The following NAXD variants were observed in gnomAD, a reference collection of about 807,000 sequenced individuals.
NAXD encodes the protein NAD(P)HX dehydratase.
NAXD carries 22 observed loss-of-function variants against 35.8 expected under a neutral mutation model. The observed-to-expected ratio is 0.62, with a 90% CI of 0.44 to 0.88. NAXD has a LOEUF of 0.88. Ranked by LOEUF, NAXD falls within the 40% of genes least tolerant of loss-of-function variation. The pLI, the probability that NAXD is intolerant of heterozygous loss-of-function variation, is 0.00. For missense variants in NAXD, 428 were observed against 437.7 expected (o/e 0.98, Z 0.20); for synonymous variants, 189 against 177.6 (o/e 1.06, Z -0.51).
At chr13:110,626,276 A>C (rs972270765) in intron 4 of NAXD, among the ~76,000 whole-genome samples, 1 of 151,730 alleles carries the variant, frequency 6.6e-6, no homozygotes, top group African/African-American at 2.4e-5. Flanking sequence ...GTATGTTTGG[A>C]AAGTTTGGGG....
chr13:110,626,637 G>A (rs1886494737), intron 4 of NAXD, among the ~76,000 whole-genome samples: 1 of 152,128 alleles, frequency 6.6e-6, no homozygotes, highest in African/African-American at 2.4e-5. Flanking sequence ...GGGCCTCCAG[G>A]AGTCAGTGAA....
In NAXD at chr13:110,638,536, C is replaced by T; in HGVS notation, c.*8C>T. ...AAGCTCTTTGAAACCTGAGCCCGCG[C>T]AGACCAGAAGTAAACAGGCACCTTG... On this transcript the variant is annotated 3_prime_UTR_variant, in exon 10 of 10. Transcript: ENST00000680254. The surrounding 1 kb of genome is among the most constrained non-coding windows in gnomAD (Gnocchi z 5.4). 1 of 1,611,474 alleles carries T rather than the reference C, an allele frequency of 6.2e-7. No individual in the cohort carries two copies. Among genetic ancestry groups the T allele is most frequent in the Non-Finnish European group, 8.5e-7 (1 of 1,178,976 alleles).
chr13:110,639,786 G>A lies in NAXD; in HGVS notation c.*1258G>A, dbSNP rs893822865. The A allele has an allele frequency of 2.0e-5, 3 of 152,130 alleles. No homozygotes were observed. Among genetic ancestry groups the A allele is most frequent in the Non-Finnish European group, 4.4e-5 (3 of 68,004 alleles). 9.4% of individuals were successfully genotyped at this position (152,130 alleles called of 1,614,324 possible). On this transcript the variant is annotated 3_prime_UTR_variant, in exon 10 of 10. Coordinates refer to ENST00000680254, the MANE Select transcript of NAXD (RefSeq NM_001242882.2). ...CTCTTGAGTGATACCCTGTGATGCAGACATGCCCCAGATGGATTCTACTTT... is the reference window on the plus strand; with the variant it reads ...CTCTTGAGTGATACCCTGTGATGCAAACATGCCCCAGATGGATTCTACTTT...
chr13:110,635,611 G>T, intron 8 of NAXD, 23 bp downstream of exon 8: 1 of 1,612,280 alleles, frequency 6.2e-7, no homozygotes, highest in Non-Finnish European at 8.5e-7. Context: ...TGCCCTCTGT[G>T]CATGGGCCAG....
chr13:110,634,927 A>G, intron 7 of NAXD, 151 bp downstream of exon 7: 1 of 664,094 alleles, frequency 1.5e-6, no homozygotes, highest in South Asian at 1.7e-5. Context: ...GCGTCTTCCC[A>G]TTAATGCGCT....
chr13:110,627,886 G>C (rs1462869799), intron 5 of NAXD, among the ~76,000 whole-genome samples: 1 of 152,100 alleles, frequency 6.6e-6, no homozygotes, highest in Admixed American at 6.5e-5. Flanking sequence ...TATCTCCCAG[G>C]CCACCCCCTT....
At chr13:110,637,415 C>G (rs1451822276) in intron 9 of NAXD, among the ~76,000 whole-genome samples, 166 bp downstream of exon 9, 1 of 152,156 alleles carries the variant, frequency 6.6e-6, no homozygotes, top group Non-Finnish European at 1.5e-5. Flanking sequence ...AAGCTTCCAC[C>G]CCACACTTGG....
rs117630476 is a variant in NAXD at position 110,620,157 on chromosome 13, G to C, written c.47-2059G>C. On this transcript the variant is annotated intron_variant, in intron 1 of 9. Coordinates refer to ENST00000680254, the MANE Select transcript of NAXD (RefSeq NM_001242882.2). Reference sequence around the variant, plus strand: ...TTAAAACCATAATTTAGCCCTCCTGGAGGGATTTCAAGGATGGGTGCATTG... The same window carrying C: ...TTAAAACCATAATTTAGCCCTCCTGCAGGGATTTCAAGGATGGGTGCATTG... Among the ~76,000 whole-genome samples, 452 of 152,168 alleles carry C rather than the reference G, an allele frequency of 3.0e-3. 5 individuals are homozygous for C. The highest frequency in any genetic ancestry group is 0.014 in the Admixed American group (218 of 15,274).
At position 110,638,531 on chromosome 13, in the gene NAXD, C is replaced by A. The variant is rs945878305; in HGVS notation, c.*3C>A. The A allele has an allele frequency of 1.2e-6, 2 of 1,611,614 alleles. No individual in the cohort carries two copies. On this transcript the variant is annotated 3_prime_UTR_variant, in exon 10 of 10. Coordinates refer to ENST00000680254, the MANE Select transcript of NAXD (RefSeq NM_001242882.2). The surrounding 1 kb of genome is among the most constrained non-coding windows in gnomAD (Gnocchi z 5.4). Reference sequence around the variant, plus strand: ...TCAGCAAGCTCTTTGAAACCTGAGCCCGCGCAGACCAGAAGTAAACAGGCA... The same window carrying A: ...TCAGCAAGCTCTTTGAAACCTGAGCACGCGCAGACCAGAAGTAAACAGGCA...
At position 110,615,625 on chromosome 13, in the gene NAXD, G is replaced by T; in HGVS notation, c.24G>T (p.Gly8=). The change falls in exon 1 of 10, where the codon GGG becomes GGT. Residue 8 remains glycine (G), a synonymous_variant. Transcript: ENST00000680254. ...CGATGGCCCTGGGTCCTCGCTGTGG[G>T]GCAATCCGGGCTTGCAGACGAGGTA... is the stretch of plus-strand genomic sequence containing the variant. MALGPRC[G]AIRACRRVLE... 6.8e-7 allele frequency: 1 copy of T among 1,479,018 alleles called. No individual in the cohort carries two copies. Among genetic ancestry groups the T allele is most frequent in the East Asian group, 2.9e-5 (1 of 33,998 alleles). The allele number at this position is 1,479,018 out of a possible 1,614,324, so 91.6% of individuals were successfully genotyped here. A position where few individuals can be genotyped will look rare whatever the true frequency, so the allele number is the denominator to read the frequency against.
At chr13:110,632,746 C>T (rs1180093790) in intron 5 of NAXD, among the ~76,000 whole-genome samples, 1 of 150,020 alleles carries the variant, frequency 6.7e-6, no homozygotes, top group Non-Finnish European at 1.5e-5. Context: ...ATTTACAATC[C>T]CTGACCTAGA....
At chr13:110,618,391 C>T (rs79323382) in intron 1 of NAXD, among the ~76,000 whole-genome samples, 4,687 of 152,198 alleles carry the variant, frequency 0.031, 201 homozygotes, top group South Asian at 0.093. Flanking sequence ...AGGCGACTCC[C>T]GCTGGTGGGT....
chr13:110,620,861 T>C (rs1452771931), intron 1 of NAXD, among the ~76,000 whole-genome samples: 1 of 152,236 alleles, frequency 6.6e-6, no homozygotes, highest in East Asian at 1.9e-4. Flanking sequence ...ATTGAGTGCC[T>C]TGTTTGAAAA....
chr13:110,628,122 C>T lies in NAXD; in HGVS notation c.441+575C>T, dbSNP rs185714226. Among the ~76,000 whole-genome samples the T allele has an allele frequency of 3.9e-4, 60 of 152,334 alleles. No individual in the cohort carries two copies. The highest frequency in any genetic ancestry group is 1.4e-3 in the African/African-American group (57 of 41,568). ...GAAAGTTATTCTGATCACTTTGTGC[C>T]TGCTGTAAATAAATACCACCTGGGA... On this transcript the variant is annotated intron_variant, in intron 5 of 9. Transcript: ENST00000680254. This position sits in a 1 kb window ranked among gnomAD's most constrained non-coding sequence, Gnocchi z 4.1.
chr13:110,619,839 C>G (rs1206658908), intron 1 of NAXD, among the ~76,000 whole-genome samples: 3 of 152,138 alleles, frequency 2.0e-5, no homozygotes, highest in African/African-American at 7.2e-5. Context: ...CGCTGTGTCA[C>G]CCAGGCTGGA....
chr13:110,622,223 A>G lies in NAXD; in HGVS notation c.54A>G (p.Glu18=). 6.2e-7 allele frequency: 1 copy of G among 1,612,106 alleles called. No individual in the cohort carries two copies. The highest frequency in any genetic ancestry group is 1.1e-5 in the South Asian group (1 of 90,872). The part of the protein sequence containing the change: ...GAIRACRRVL[E]RAFSLRKAHS... Reference sequence around the variant, plus strand: ...ATTTTTCTTGTCTTTCAGTTTTAGAAAGAGCGTTTTCGCTACGTAAAGCAC... The same window carrying G: ...ATTTTTCTTGTCTTTCAGTTTTAGAGAGAGCGTTTTCGCTACGTAAAGCAC... The change falls in exon 2 of 10, where the codon GAA becomes GAG. Residue 18 remains glutamate, a synonymous_variant. Coordinates refer to ENST00000680254, the MANE Select transcript of NAXD (RefSeq NM_001242882.2).
At chr13:110,634,117 T>G (rs1886828138) in intron 5 of NAXD, among the ~76,000 whole-genome samples, 1 of 152,240 alleles carries the variant, frequency 6.6e-6, no homozygotes, top group Admixed American at 6.5e-5. Context: ...TGCTTCTCTA[T>G]TTTATTCATT....
chr13:110,627,728 G>A (rs12184786), intron 5 of NAXD, among the ~76,000 whole-genome samples, 181 bp downstream of exon 5: 1 of 152,250 alleles, frequency 6.6e-6, no homozygotes, highest in Non-Finnish European at 1.5e-5. Context: ...ACTGTGCTGA[G>A]ATGTGCTTCT....
chr13:110,632,053 A>G (rs1052380289), intron 5 of NAXD, among the ~76,000 whole-genome samples: 3 of 152,042 alleles, frequency 2.0e-5, no homozygotes, highest in Non-Finnish European at 1.5e-5. Flanking sequence ...TTCAAGAATG[A>G]AGCCGTGGAC....
Sources: gnomAD v4.1 joint callset for allele counts (sites outside exome capture counted in the v4.1 genomes callset) on GRCh38, gnomAD v4.1.1 for gene constraint, Gnocchi (gnomAD v3.1) non-coding constraint, MANE v1.5 for transcripts, NCBI Gene and HGNC (gene_info 2026-07-23, HGNC 2026-07-21) for gene names.